The following FHDC1 variants were observed in gnomAD, a reference collection of about 807,000 sequenced individuals.
FHDC1 encodes the protein FH2 domain containing 1, also known as FH2 domain-containing protein 1.
In FHDC1, 25 loss-of-function variants were observed where a neutral mutation model predicts 52.6. The ratio of observed to expected loss-of-function variants is 0.48; its 90% confidence interval spans 0.35 to 0.66. The LOEUF (loss-of-function observed/expected upper bound fraction) is 0.66. FHDC1 is among the 30% of genes least tolerant of loss of function. The pLI, the probability that FHDC1 is intolerant of heterozygous loss-of-function variation, is 0.01. For synonymous variants in FHDC1, 616 were observed against 581.5 expected (o/e 1.06, Z -0.85); for missense variants, 1,459 against 1,452.8 (o/e 1.00, Z -0.07).
chr4:152,976,703 C>T lies in FHDC1; in HGVS notation c.3412C>T (p.Leu1138Phe), dbSNP rs764366068. 22 of 1,493,122 alleles carry T rather than the reference C, an allele frequency of 1.5e-5. No homozygotes were observed. The Middle Eastern group carries it at 1.8e-3, about 123-fold the overall frequency. 92.5% of individuals were successfully genotyped at this position (1,493,122 alleles called of 1,614,324 possible). The part of the protein sequence containing the change: ...DSSRTTLGRI[L>F]NPLRK ...CAGTCGGACCACGCTGGGGAGAATC[C>T]TCAATCCCTTACGGAAGTGATGGGT... Residue 1138 changes from leucine to phenylalanine, a missense_variant, in exon 12 of 12, where the codon CTC becomes TTC. By Grantham distance (22) the Leu-to-Phe change is conservative (BLOSUM62 0). Transcript: ENST00000511601.
rs145340723 is a variant in FHDC1, at chr4:152,968,936, C to T, written c.1218+839C>T. Among the ~76,000 whole-genome samples the T allele has an allele frequency of 1.6e-3, 237 of 152,118 alleles. 2 individuals carry two copies. Among genetic ancestry groups the T allele is most frequent in the African/African-American group, 5.3e-3 (219 of 41,484 alleles). On this transcript the variant is annotated intron_variant, in intron 10 of 11. Coordinates refer to ENST00000511601, the MANE Select transcript of FHDC1 (RefSeq NM_001371116.1). ...CAGCAGAACACATGAGAGCTGTGCC[C>T]GTCAACACCAGGAGTACGCAGGGCC...
chr4:152,950,864 T>TCAGAGAGAA (rs1739904351), intron 2 of FHDC1, among the ~76,000 whole-genome samples: 1 of 151,956 alleles, frequency 6.6e-6, no homozygotes, highest in South Asian at 2.1e-4. Context: ...TGAAAAGGAG[T>TCAGAGAGAA]CAGAGAGAAC....
At chr4:152,912,537 G>T in the FHDC1 span, among the ~76,000 whole-genome samples, 1 of 152,064 alleles carries the variant, frequency 6.6e-6, no homozygotes, top group Non-Finnish European at 1.5e-5. Flanking sequence ...GTAATATATT[G>T]CCTGTTTGCT....
chr4:152,952,962 T>G (rs905962172), intron 2 of FHDC1, among the ~76,000 whole-genome samples: 6 of 152,016 alleles, frequency 3.9e-5, no homozygotes, highest in African/African-American at 1.4e-4. Flanking sequence ...TGAAACTCCA[T>G]CTCTACAAAA....
the FHDC1 span, among the ~76,000 whole-genome samples, chr4:152,914,301 A>C: frequency 2.0e-5 from 3 of 152,176 alleles, no homozygotes; most frequent in African/African-American, 7.2e-5. Context: ...TTTATAATAA[A>C]TTGCCAAGTG....
chr4:152,957,495 T>G (rs1740133654), intron 4 of FHDC1, among the ~76,000 whole-genome samples: 1 of 152,212 alleles, frequency 6.6e-6, no homozygotes, highest in African/African-American at 2.4e-5. Flanking sequence ...ACTTGAGCCC[T>G]GATTCCGCTG....
At chr4:152,942,798 T>G (rs1441904838) in intron 1 of FHDC1, 130 bp from the exon 2 acceptor site, 1 of 418,648 alleles carries the variant, frequency 2.4e-6, no homozygotes, top group Non-Finnish European at 4.2e-6. Context: ...TAATGCAACT[T>G]GGGATGTGTT....
chr4:152,912,290 A>G, the FHDC1 span: 1 of 152,218 alleles, frequency 6.6e-6, no homozygotes, highest in Non-Finnish European at 1.5e-5. Context: ...AAAGAATTAG[A>G]AGAAAATTTC....
chr4:152,952,214 T>G (rs182054208), intron 2 of FHDC1, among the ~76,000 whole-genome samples: 11 of 152,322 alleles, frequency 7.2e-5, no homozygotes, highest in East Asian at 5.8e-4. Flanking sequence ...AGAAAAAAAT[T>G]TAATGATGTT....
intron 2 of FHDC1, among the ~76,000 whole-genome samples, chr4:152,952,696 G>C (rs543427866): frequency 1.3e-5 from 2 of 152,234 alleles, no homozygotes; most frequent in East Asian, 3.9e-4. Flanking sequence ...TGTAAGACTT[G>C]AGCATCGTTA....
chr4:152,964,959 G>A lies in FHDC1; in HGVS notation c.1084G>A (p.Val362Ile). The A allele has an allele frequency of 6.2e-7, 1 of 1,612,032 alleles. No homozygotes were observed. The highest frequency in any genetic ancestry group is 8.5e-7 in the Non-Finnish European group (1 of 1,179,360). Residue 362 changes from valine to isoleucine, a missense_variant, in exon 9 of 12, where the codon GTT becomes ATT. Physicochemically the swap from Val to Ile is conservative, Grantham distance 29 (BLOSUM62 3). Transcript: ENST00000511601. ...AAACTTTTCAGAAAAATTGCATCAT[G>A]TTCAGAAGACTGCTAGGTGAGCAAG... is the stretch of plus-strand genomic sequence containing the variant. ...LLNFSEKLHH[V>I]QKTARLSLEN...
At chr4:152,928,977 G>GA in the FHDC1 span, among the ~76,000 whole-genome samples, 18 of 150,162 alleles carry the variant, frequency 1.2e-4, no homozygotes, top group East Asian at 1.4e-3. Context: ...AAATTTTAGA[G>GA]AAAAAAAAAG....
In FHDC1 at chr4:152,976,612, C is replaced by T. The variant is rs1404488850; in HGVS notation, c.3321C>T (p.Ala1107=). 6.2e-7 allele frequency: 1 copy of T among 1,610,850 alleles called. No homozygotes were observed. The change falls in exon 12 of 12, where the codon GCC becomes GCT. Residue 1107 remains alanine (A), a synonymous_variant. Transcript: ENST00000511601. The stretch of plus-strand genomic sequence containing the variant: ...CAGAGTCTGCGGAGGGTCCCAGTGC[C>T]AACACGGAGGCCCCTCTGAAGGCCA... The part of the protein sequence containing the change: ...KRPESAEGPS[A]NTEAPLKARG...
In FHDC1 at chr4:152,978,337, A is replaced by C. The variant is rs1274390204; in HGVS notation, c.*1614A>C. 6.6e-6 allele frequency: 1 copy of C among 152,132 alleles called. No individual in the cohort carries two copies. Among genetic ancestry groups the C allele is most frequent in the Admixed American group, 6.5e-5 (1 of 15,278 alleles). 9.4% of individuals were successfully genotyped at this position (152,132 alleles called of 1,614,324 possible). ...TTCCTTCTTTTCTAACATGGCCTGG[A>C]GAGAGTCTCTCTCTCCTTGTCTCTG... is the stretch of plus-strand genomic sequence containing the variant. On this transcript the variant is annotated 3_prime_UTR_variant, in exon 12 of 12. Transcript: ENST00000511601.
the FHDC1 span, chr4:152,912,055 G>C: frequency 6.6e-6 from 1 of 151,984 alleles, no homozygotes; most frequent in Admixed American, 6.6e-5. Context: ...TTTTTTCAAT[G>C]TGAATCTCTT....
intron 2 of FHDC1, among the ~76,000 whole-genome samples, chr4:152,947,957 C>T (rs1739784434): frequency 6.6e-6 from 1 of 152,122 alleles, no homozygotes; most frequent in Non-Finnish European, 1.5e-5. Flanking sequence ...CCGGTATGTT[C>T]CAGAATTTCG....
intron 10 of FHDC1, among the ~76,000 whole-genome samples, chr4:152,968,449 C>G (rs528545665): frequency 1.1e-4 from 16 of 152,272 alleles, no homozygotes; most frequent in Non-Finnish European, 2.2e-4. Context: ...CCTCAGCCTC[C>G]CGAGTAGCTG....
At chr4:152,932,464 T>C (rs1027177083), upstream of FHDC1, among the ~76,000 whole-genome samples, 2 of 152,164 alleles carry the variant, frequency 1.3e-5, no homozygotes, top group African/African-American at 4.8e-5. Flanking sequence ...TTGCATTTTA[T>C]AGTAACAGTA....
intron 4 of FHDC1, among the ~76,000 whole-genome samples, chr4:152,959,137 A>G (rs1353868674): frequency 6.6e-6 from 1 of 152,244 alleles, no homozygotes. Flanking sequence ...AAAGAATAAT[A>G]TGAAGTGTTA....
Sources: allele counts gnomAD v4.1 joint callset (sites outside exome capture counted in the v4.1 genomes callset), GRCh38; gene constraint gnomAD v4.1.1; transcripts MANE v1.5; gene names NCBI Gene and HGNC (gene_info 2026-07-23, HGNC 2026-07-21).